The following CDH2 variants were observed in gnomAD, a reference collection of about 807,000 sequenced individuals.
CDH2 encodes the protein cadherin-2.
In CDH2, 17 loss-of-function variants were observed where a neutral mutation model predicts 92.0. That is an observed-to-expected ratio of 0.18 (90% CI 0.13 to 0.28). The LOEUF is 0.28. Among genes scored for constraint, CDH2 ranks in the 10% least tolerant of loss-of-function variants. The pLI, the probability that CDH2 is intolerant of heterozygous loss-of-function variation, is 1.00. For missense variants in CDH2, 862 were observed against 1,133.1 expected (o/e 0.76, Z 3.44); for synonymous variants, 419 against 415.9 (o/e 1.01, Z -0.09).
At chr18:28,014,874 G>C (rs1285153724) in intron 2 of CDH2, among the ~76,000 whole-genome samples, 1 of 152,044 alleles carries the variant, frequency 6.6e-6, no homozygotes, top group Non-Finnish European at 1.5e-5. Context: ...ATTCTCTAAG[G>C]AAGATTATTC....
chr18:27,960,047 C>CACACACACACAA (rs548892178), intron 15 of CDH2, among the ~76,000 whole-genome samples: 1 of 148,796 alleles, frequency 6.7e-6, no homozygotes, highest in African/African-American at 2.5e-5. Flanking sequence ...CACACACACA[C>CACACACACACAA]AAACACACAC....
At chr18:28,124,841 T>C (rs1414451206) in intron 2 of CDH2, among the ~76,000 whole-genome samples, 1 of 152,226 alleles carries the variant, frequency 6.6e-6, no homozygotes, top group African/African-American at 2.4e-5. Context: ...AGCAAGTTGC[T>C]ATGCCTCTCA....
At chr18:27,941,636 A>G (rs938846184) in intron 6 of CDH2, among the ~76,000 whole-genome samples, 3 of 152,178 alleles carry the variant, frequency 2.0e-5, no homozygotes, top group Non-Finnish European at 1.5e-5. Context: ...ATTCCTATAC[A>G]TGCAGCCAAA....
intron 1 of CDH2, among the ~76,000 whole-genome samples, chr18:28,161,580 GAAAAAAA>G (rs35615619): frequency 1.0e-4 from 5 of 49,788 alleles, no homozygotes; most frequent in Admixed American, 2.3e-4. Flanking sequence ...ACCCTGTCTC[GAAAAAAA>G]AAAAAAAAAA....
At chr18:28,164,627 A>C (rs1428379164) in intron 1 of CDH2, among the ~76,000 whole-genome samples, 1 of 148,544 alleles carries the variant, frequency 6.7e-6, no homozygotes, top group Non-Finnish European at 1.5e-5. Context: ...AGGCTGAGTA[A>C]CTTTGATTCT....
At chr18:28,110,387 C>G (rs890943418) in intron 2 of CDH2, among the ~76,000 whole-genome samples, 1 of 152,154 alleles carries the variant, frequency 6.6e-6, no homozygotes, top group African/African-American at 2.4e-5. Flanking sequence ...CTGCTGCAGC[C>G]ACTTCAGCCA....
intron 2 of CDH2, among the ~76,000 whole-genome samples, chr18:28,094,890 A>AT (rs945884119): frequency 1.3e-5 from 2 of 151,618 alleles, no homozygotes; most frequent in Admixed American, 1.3e-4. Flanking sequence ...GAAAGCAAGG[A>AT]TTCAATGGGC....
chr18:28,113,562 G>A (rs1362978572), intron 2 of CDH2, among the ~76,000 whole-genome samples: 3 of 151,806 alleles, frequency 2.0e-5, no homozygotes, highest in Non-Finnish European at 4.4e-5. Flanking sequence ...AAGGGAAGGC[G>A]AGGTAGATTT....
At chr18:27,980,743 C>T (rs1335110176) in intron 14 of CDH2, among the ~76,000 whole-genome samples, 4 of 140,608 alleles carry the variant, frequency 2.8e-5, no homozygotes, top group African/African-American at 5.4e-5. Context: ...TCTTTGGACT[C>T]GTGGGGAAGT....
At chr18:28,044,738 T>C (rs753673001) in intron 2 of CDH2, among the ~76,000 whole-genome samples, 19 of 151,700 alleles carry the variant, frequency 1.3e-4, no homozygotes, top group Non-Finnish European at 1.2e-4. Context: ...ATGTGGAAGC[T>C]TGCACATGTT....
At position 28,111,008 on chromosome 18, in the gene CDH2, C is replaced by T. The variant is rs182290353; in HGVS notation, c.172+36665G>A. 3.5e-4 allele frequency among the ~76,000 whole-genome samples: 54 copies of T among 152,236 alleles called. No homozygotes were observed. The East Asian group carries it at 9.1e-3, about 26-fold the overall frequency. Reference sequence around the variant, plus strand: ...GAGGCTGAAAAAGAAAGAAAATGCCCATCCAGCCATCGGTCTGTGCAGAGT... The same window carrying T: ...GAGGCTGAAAAAGAAAGAAAATGCCTATCCAGCCATCGGTCTGTGCAGAGT... On this transcript the variant is annotated intron_variant, in intron 2 of 15. Coordinates refer to ENST00000269141, the MANE Select transcript of CDH2 (RefSeq NM_001792.5).
chr18:28,005,512 C>T (rs543475097), intron 6 of CDH2, among the ~76,000 whole-genome samples: 10 of 152,294 alleles, frequency 6.6e-5, no homozygotes, highest in African/African-American at 1.9e-4. Flanking sequence ...GAAAGCCTCT[C>T]GTCTTCTGGG....
intron 2 of CDH2, among the ~76,000 whole-genome samples, chr18:28,078,998 A>C (rs1282671715): frequency 6.6e-6 from 1 of 152,172 alleles, no homozygotes; most frequent in African/African-American, 2.4e-5. Flanking sequence ...TTGTTTTACT[A>C]ATGGGCTGTT....
chr18:28,106,734 C>G (rs1264784864), intron 2 of CDH2, among the ~76,000 whole-genome samples: 1 of 151,988 alleles, frequency 6.6e-6, no homozygotes, highest in Non-Finnish European at 1.5e-5. Context: ...TACGTATGAG[C>G]ATTTAAAAGA....
At chr18:28,155,409 CT>C (rs1236409936) in intron 1 of CDH2, among the ~76,000 whole-genome samples, 1 of 152,192 alleles carries the variant, frequency 6.6e-6, no homozygotes, top group East Asian at 1.9e-4. Flanking sequence ...ATTGTGGAGA[CT>C]TTTATCTCTT....
intron 2 of CDH2, among the ~76,000 whole-genome samples, chr18:28,084,528 T>C (rs1035273446): frequency 1.3e-5 from 2 of 151,678 alleles, no homozygotes; most frequent in African/African-American, 4.8e-5. Flanking sequence ...ATTTTAACAC[T>C]GTTTCAAAGA....
intron 15 of CDH2, among the ~76,000 whole-genome samples, chr18:27,960,043 C>CACACACACAA (rs1011774702): frequency 6.6e-6 from 1 of 151,834 alleles, no homozygotes; most frequent in Non-Finnish European, 1.5e-5. Context: ...CACACACACA[C>CACACACACAA]ACACAAACAC....
intron 2 of CDH2, among the ~76,000 whole-genome samples, chr18:28,100,865 T>C (rs1032638048): frequency 3.9e-5 from 6 of 152,190 alleles, no homozygotes; most frequent in African/African-American, 1.4e-4. Context: ...ATCAATGCAA[T>C]GTGCACACTG....
At chr18:27,971,665 C>A (rs890333360) in intron 14 of CDH2, among the ~76,000 whole-genome samples, 1 of 152,148 alleles carries the variant, frequency 6.6e-6, no homozygotes, top group African/African-American at 2.4e-5. Context: ...TGACAATGTG[C>A]TAACCCAATC....
Sources: allele counts gnomAD v4.1 joint callset (sites outside exome capture counted in the v4.1 genomes callset), GRCh38; gene constraint gnomAD v4.1.1; transcripts MANE v1.5; gene names NCBI Gene and HGNC (gene_info 2026-07-23, HGNC 2026-07-21).